The following DDAH1 variants were observed in gnomAD, a reference collection of about 807,000 sequenced individuals.
DDAH1 encodes N(G),N(G)-dimethylarginine dimethylaminohydrolase 1.
A neutral mutation model predicts 28.8 loss-of-function variants in DDAH1; 19 were observed. That is an observed-to-expected ratio of 0.66 (90% CI 0.46 to 0.97). The LOEUF is 0.97. Ranked by LOEUF, DDAH1 falls within the 50% of genes least tolerant of loss-of-function variation. The pLI, the probability that DDAH1 is intolerant of heterozygous loss-of-function variation, is 0.00. For synonymous variants in DDAH1, 153 were observed against 154.4 expected, an observed-to-expected ratio of 0.99 and a Z score of 0.07; for missense variants, 326 against 375.9, an observed-to-expected ratio of 0.87 and a Z score of 1.10.
chr1:85,438,922 A>G lies in DDAH1; in HGVS notation c.303+25821T>C, dbSNP rs192227957. ...AAGCTTTATAACAGGATGGTAATTA[A>G]AAGGATGGGTATTGAACTCAAAACA... On this transcript the variant is annotated intron_variant, in intron 1 of 5. Transcript: ENST00000284031. Among the ~76,000 whole-genome samples the G allele has an allele frequency of 7.9e-5, 12 of 152,302 alleles. No individual in the cohort carries two copies. In the East Asian group the frequency reaches 2.3e-3, roughly 29 times the overall value.
At chr1:85,349,797 G>A (rs990851020) in intron 4 of DDAH1, among the ~76,000 whole-genome samples, 3 of 152,292 alleles carry the variant, frequency 2.0e-5, no homozygotes, top group Non-Finnish European at 2.9e-5. Context: ...GCACTGCATT[G>A]TAACAACAGA....
At chr1:85,395,672 CAAAA>C (rs71075833) in intron 1 of DDAH1, among the ~76,000 whole-genome samples, 1 of 139,482 alleles carries the variant, frequency 7.2e-6, no homozygotes. Context: ...GACTCCATCT[CAAAA>C]AAAAAAAAAG....
intron 2 of DDAH1, among the ~76,000 whole-genome samples, chr1:85,490,374 A>G (rs1656350165): frequency 6.6e-6 from 1 of 152,190 alleles, no homozygotes; most frequent in South Asian, 2.1e-4. Flanking sequence ...CTGACTCTTC[A>G]CCCAGTCACA....
At chr1:85,531,369 GTCAA>G (rs1354918196) in intron 1 of DDAH1, among the ~76,000 whole-genome samples, 2 of 152,094 alleles carry the variant, frequency 1.3e-5, no homozygotes, top group African/African-American at 4.8e-5. Flanking sequence ...TACTCCACGT[GTCAA>G]TCAATACACA....
At chr1:85,409,559 A>G (rs2100593348) in intron 1 of DDAH1, among the ~76,000 whole-genome samples, 1 of 152,146 alleles carries the variant, frequency 6.6e-6, no homozygotes, top group East Asian at 1.9e-4. Flanking sequence ...GCTTTTTCAC[A>G]TACTGCCTAA....
intron 3 of DDAH1, 141 bp from the exon 4 acceptor site, chr1:85,350,675 T>C (rs1649147096): frequency 9.9e-7 from 1 of 1,011,706 alleles, no homozygotes; most frequent in Non-Finnish European, 1.4e-6. Flanking sequence ...GACCCACAGA[T>C]TTGGATATTG....
intron 1 of DDAH1, among the ~76,000 whole-genome samples, chr1:85,523,605 CCTT>C (rs1657764694): frequency 6.6e-6 from 1 of 151,980 alleles, no homozygotes; most frequent in Non-Finnish European, 1.5e-5. Context: ...AGGGATTTAA[CCTT>C]CTTGTACTTC....
intron 1 of DDAH1, among the ~76,000 whole-genome samples, chr1:85,366,662 T>A (rs1268477716): frequency 6.6e-6 from 1 of 152,142 alleles, no homozygotes; most frequent in African/African-American, 2.4e-5. Flanking sequence ...ATGAGTAAAG[T>A]ATTCTGGTGT....
chr1:85,496,332 C>A (rs1464293729), intron 1 of DDAH1: 2 of 349,518 alleles, frequency 5.7e-6, no homozygotes, highest in South Asian at 1.2e-4. Flanking sequence ...CATTTTAATA[C>A]CTCTAATATA....
At position 85,351,571 on chromosome 1, in the gene DDAH1, A is replaced by G; in HGVS notation, c.412T>C (p.Phe138Leu). 1.9e-6 allele frequency: 3 copies of G among 1,614,008 alleles called. No individual in the cohort carries two copies. Among genetic ancestry groups the G allele is most frequent in the Non-Finnish European group, 2.5e-6 (3 of 1,179,914 alleles). Reference sequence around the variant, plus strand: ...GTCCTTTTGGAAAGGCCCACAAAAAATTCTCTGCCTGTAATAGATGTCATG... The same window carrying G: ...GTCCTTTTGGAAAGGCCCACAAAAAGTTCTCTGCCTGTAATAGATGTCATG... ...GGDVLFTGREFFVGLSKRTNQ... is the reference protein window; with the variant it reads ...GGDVLFTGRELFVGLSKRTNQ... The change falls in exon 3 of 6, where the codon TTT (phenylalanine) becomes CTT (leucine). Residue 138 changes from phenylalanine (F) to leucine (L), a missense_variant. Physicochemically the swap from Phe to Leu is conservative, Grantham distance 22 (BLOSUM62 0). Transcript: ENST00000284031.
chr1:85,488,259 G>A (rs921117684), intron 2 of DDAH1: 7 of 152,140 alleles, frequency 4.6e-5, no homozygotes, highest in African/African-American at 1.7e-4. Flanking sequence ...TATAGATTGG[G>A]TGGCTTAAAC....
chr1:85,506,002 G>T (rs979213441), intron 1 of DDAH1, among the ~76,000 whole-genome samples: 32 of 152,200 alleles, frequency 2.1e-4, no homozygotes, highest in African/African-American at 7.7e-4. Context: ...ACTGTGAGCA[G>T]CTCAGGGGAG....
At chr1:85,434,279 C>A (rs187972389) in intron 1 of DDAH1, among the ~76,000 whole-genome samples, 21 of 152,160 alleles carry the variant, frequency 1.4e-4, no homozygotes, top group African/African-American at 4.6e-4. Flanking sequence ...GTTGCCTAGC[C>A]CCATTGACTT....
At chr1:85,370,655 T>A (rs1379325494) in intron 1 of DDAH1, among the ~76,000 whole-genome samples, 1 of 152,086 alleles carries the variant, frequency 6.6e-6, no homozygotes, top group African/African-American at 2.4e-5. Flanking sequence ...ACAAAGAAAG[T>A]GCTGAATTTG....
At chr1:85,376,794 T>G (rs1650695024) in intron 1 of DDAH1, 1 of 149,996 alleles carries the variant, frequency 6.7e-6, no homozygotes, top group Non-Finnish European at 1.5e-5. Flanking sequence ...TTAGTGAGAA[T>G]GCATAAAAAC....
intron 1 of DDAH1, among the ~76,000 whole-genome samples, chr1:85,565,804 G>A (rs543893658): frequency 3.9e-5 from 6 of 152,278 alleles, no homozygotes; most frequent in African/African-American, 1.2e-4. Context: ...ATATTGGCTG[G>A]GTGAGGTGGC....
intron 4 of DDAH1, among the ~76,000 whole-genome samples, chr1:85,338,742 T>G (rs998150348): frequency 2.0e-5 from 3 of 152,072 alleles, no homozygotes; most frequent in Non-Finnish European, 4.4e-5. Context: ...CTTACACTAT[T>G]CAAATTAATA....
At chr1:85,556,594 G>GGT (rs147084860) in intron 1 of DDAH1, among the ~76,000 whole-genome samples, 28 of 151,582 alleles carry the variant, frequency 1.8e-4, no homozygotes, top group Non-Finnish European at 3.5e-4. Flanking sequence ...CACAGCTAAA[G>GGT]GTGTGTGTGT....
At chr1:85,410,664 G>T (rs188249657) in intron 1 of DDAH1, among the ~76,000 whole-genome samples, 4 of 151,532 alleles carry the variant, frequency 2.6e-5, no homozygotes, top group Non-Finnish European at 5.9e-5. Flanking sequence ...TGGAAATGAG[G>T]TTAACATTGA....
Sources: gnomAD v4.1 joint callset for allele counts (sites outside exome capture counted in the v4.1 genomes callset) on GRCh38, gnomAD v4.1.1 for gene constraint, MANE v1.5 for transcripts, NCBI Gene and HGNC (gene_info 2026-07-23, HGNC 2026-07-21) for gene names.